Variants in SKAP1 observed in about 807,000 individuals in gnomAD.
The protein encoded by SKAP1 is src kinase associated phosphoprotein 1.
Under a neutral mutation model 58.5 loss-of-function variants are expected in SKAP1, and 44 were observed. That is an observed-to-expected ratio of 0.75 (90% CI 0.59 to 0.97). The LOEUF (loss-of-function observed/expected upper bound fraction) is 0.97, where lower values mean the gene tolerates loss of function less well. SKAP1 is among the 50% of genes least tolerant of loss of function. The pLI is 0.00. For synonymous variants in SKAP1, 127 were observed against 149.7 expected, an observed-to-expected ratio of 0.85 and a Z score of 1.11; for missense variants, 390 against 435.2, an observed-to-expected ratio of 0.90 and a Z score of 0.92.
intron 1 of SKAP1, among the ~76,000 whole-genome samples, chr17:48,423,775 G>A (rs570928885): frequency 6.6e-6 from 1 of 152,224 alleles, no homozygotes; most frequent in South Asian, 2.1e-4. Flanking sequence ...TTTGTTTTCT[G>A]AGACAGGATC....
intron 4 of SKAP1, among the ~76,000 whole-genome samples, chr17:48,311,036 C>T (rs900195025): frequency 6.6e-6 from 1 of 152,202 alleles, no homozygotes; most frequent in African/African-American, 2.4e-5. Context: ...GCCGCCCCCC[C>T]AGGCTGAGCC....
chr17:48,142,072 T>C (rs2063774636), intron 11 of SKAP1, among the ~76,000 whole-genome samples: 1 of 152,236 alleles, frequency 6.6e-6, no homozygotes, highest in Non-Finnish European at 1.5e-5. Context: ...CAATCACTAG[T>C]TGGAAAGTTC....
At chr17:48,233,610 T>C (rs2065147835) in intron 4 of SKAP1, among the ~76,000 whole-genome samples, 1 of 152,150 alleles carries the variant, frequency 6.6e-6, no homozygotes, top group Non-Finnish European at 1.5e-5. Flanking sequence ...ATCCCAGCAC[T>C]TTGGGAGGTC....
chr17:48,253,225 C>T (rs771099170), intron 4 of SKAP1, among the ~76,000 whole-genome samples: 10 of 152,126 alleles, frequency 6.6e-5, no homozygotes, highest in Non-Finnish European at 1.3e-4. Context: ...ATGGTTTCTA[C>T]GAGTCCCCTC....
At chr17:48,322,452 A>C (rs1186186658) in intron 4 of SKAP1, among the ~76,000 whole-genome samples, 1 of 152,232 alleles carries the variant, frequency 6.6e-6, no homozygotes, top group Non-Finnish European at 1.5e-5. Context: ...AGTTACACTC[A>C]AGGTATAACG....
At chr17:48,326,929 T>G (rs915703464) in intron 4 of SKAP1, among the ~76,000 whole-genome samples, 1 of 149,718 alleles carries the variant, frequency 6.7e-6, no homozygotes, top group Admixed American at 6.7e-5. Flanking sequence ...TCTTGCTATG[T>G]CCCCCAGGCT....
intron 4 of SKAP1, among the ~76,000 whole-genome samples, chr17:48,332,595 C>T (rs2066520297): frequency 6.6e-6 from 1 of 152,078 alleles, no homozygotes; most frequent in African/African-American, 2.4e-5. Context: ...ACTTGCCAGC[C>T]CACCTCAGTC....
intron 11 of SKAP1, among the ~76,000 whole-genome samples, chr17:48,161,395 A>T (rs2064066443): frequency 6.6e-6 from 1 of 152,200 alleles, no homozygotes; most frequent in African/African-American, 2.4e-5. Context: ...TTGGCTGCAT[A>T]GAGAGAGGAC....
intron 4 of SKAP1, among the ~76,000 whole-genome samples, chr17:48,339,179 A>G (rs2066614728): frequency 6.6e-6 from 1 of 152,250 alleles, no homozygotes; most frequent in Non-Finnish European, 1.5e-5. Context: ...ACACATACAT[A>G]ACTTCCATTA....
chr17:48,357,145 A>C (rs1194240821), intron 3 of SKAP1, among the ~76,000 whole-genome samples: 1 of 152,192 alleles, frequency 6.6e-6, no homozygotes, highest in Admixed American at 6.5e-5. Context: ...CCTTGTACAT[A>C]ATACATTGTA....
chr17:48,344,908 G>A (rs1045062053), intron 4 of SKAP1, among the ~76,000 whole-genome samples: 1 of 152,172 alleles, frequency 6.6e-6, no homozygotes, highest in Non-Finnish European at 1.5e-5. Context: ...ATAAGCTCTT[G>A]AAATCTAAAT....
intron 4 of SKAP1, 109 bp from the exon 5 acceptor site, chr17:48,189,609 C>G (rs971413088): frequency 2.0e-5 from 14 of 687,962 alleles, no homozygotes; most frequent in African/African-American, 3.6e-5. Context: ...AGGGCAATTG[C>G]TTAAACACAG....
chr17:48,231,012 G>A (rs1353179743), intron 4 of SKAP1, among the ~76,000 whole-genome samples: 2 of 152,158 alleles, frequency 1.3e-5, no homozygotes, highest in Non-Finnish European at 2.9e-5. Context: ...AAGAAAGAAG[G>A]CTGTGGGCAT....
intron 4 of SKAP1, among the ~76,000 whole-genome samples, chr17:48,236,970 T>A (rs994930131): frequency 1.3e-5 from 2 of 152,166 alleles, no homozygotes; most frequent in African/African-American, 2.4e-5. Flanking sequence ...CAGTAAGAGG[T>A]AGGTACTACC....
At chr17:48,150,403 A>C (rs973010827) in intron 11 of SKAP1, among the ~76,000 whole-genome samples, 1 of 152,212 alleles carries the variant, frequency 6.6e-6, no homozygotes, top group Admixed American at 6.5e-5. Context: ...ATCAAAAAGC[A>C]GGAGAGGAGG....
chr17:48,227,254 CCT>C (rs1555605510), intron 4 of SKAP1, among the ~76,000 whole-genome samples: 8 of 152,238 alleles, frequency 5.3e-5, no homozygotes, highest in East Asian at 1.9e-4. Flanking sequence ...CTAAACTGCC[CCT>C]GTTTATTCTT....
chr17:48,276,712 T>C (rs2065705604), intron 4 of SKAP1, among the ~76,000 whole-genome samples: 1 of 152,200 alleles, frequency 6.6e-6, no homozygotes, highest in Non-Finnish European at 1.5e-5. Flanking sequence ...ATTTCTATTC[T>C]TTAGGTGAAG....
intron 11 of SKAP1, among the ~76,000 whole-genome samples, chr17:48,155,573 T>C (rs1174875901): frequency 6.6e-6 from 1 of 151,718 alleles, no homozygotes; most frequent in Non-Finnish European, 1.5e-5. Flanking sequence ...CAAGTGACCA[T>C]AGGCCAAGCA....
chr17:48,422,726 T>C (rs2067810012), intron 1 of SKAP1, among the ~76,000 whole-genome samples: 1 of 152,170 alleles, frequency 6.6e-6, no homozygotes, highest in South Asian at 2.1e-4. Flanking sequence ...GCAGATTTAT[T>C]ATTAAAGAAC....
Sources: gnomAD v4.1 joint callset for allele counts (sites outside exome capture counted in the v4.1 genomes callset) on GRCh38, gnomAD v4.1.1 for gene constraint, MANE v1.5 for transcripts, NCBI Gene and HGNC (gene_info 2026-07-23, HGNC 2026-07-21) for gene names.